OPHN1: variants seen among roughly 807,000 people sequenced by gnomAD.
OPHN1 encodes oligophrenin-1.
OPHN1 carries 11 observed loss-of-function variants against 60.7 expected under a neutral mutation model. The ratio of observed to expected loss-of-function variants is 0.18; its 90% CI spans 0.11 to 0.30. The LOEUF (loss-of-function observed/expected upper bound fraction) is 0.30. Ranked by LOEUF, OPHN1 falls within the 10% of genes least tolerant of loss-of-function variation. The probability of loss-of-function intolerance (pLI) is 1.00; values close to 1 mark genes in which losing one functional copy is unlikely to be tolerated. For missense variants in OPHN1, 449 were observed against 611.0 expected, an observed-to-expected ratio of 0.73 and a Z score of 2.80; for synonymous variants, 226 against 222.6, an observed-to-expected ratio of 1.02 and a Z score of -0.14.
Position 68,341,006 on chromosome X carries a change from G to GA in OPHN1, c.155-41911dup, listed in dbSNP as rs369219130. Among the ~76,000 whole-genome samples the GA allele has an allele frequency of 5.2e-3, 215 of 41,744 alleles. 1 individual carries two copies. The highest frequency in any genetic ancestry group is 0.015 in the African/African-American group (166 of 10,931). The allele number at this position is 41,744 out of a possible 115,157, so 36.2% of individuals were successfully genotyped here. A position where few individuals can be genotyped will look rare whatever the true frequency, so the allele number is the denominator to read the frequency against. ...CGAGAACAAAACTCTGTCTCAAAAA[G>GA]AAAAAAAAAAAAAGAAGAAGAACCA... On this transcript the variant is annotated intron_variant, in intron 2 of 24. Transcript: ENST00000355520.
chrX:68,114,543 T>C (rs919847558), intron 16 of OPHN1, among the ~76,000 whole-genome samples: 2 of 111,209 alleles, frequency 1.8e-5, no homozygotes, highest in Non-Finnish European at 3.8e-5. Flanking sequence ...GGAGGATCAC[T>C]TAAGCCCAAG....
chrX:68,049,917 C>A (rs1314325290), intron 23 of OPHN1, among the ~76,000 whole-genome samples: 1 of 112,065 alleles, frequency 8.9e-6, no homozygotes, highest in Non-Finnish European at 1.9e-5. Flanking sequence ...TACTCATTTT[C>A]TTCTTAGTTA....
chrX:68,113,289 A>G, intron 16 of OPHN1, 50 bp from the exon 17 acceptor site: 1 of 1,026,946 alleles, frequency 9.7e-7, no homozygotes, highest in Non-Finnish European at 1.4e-6. Flanking sequence ...GCAGCTGGGT[A>G]TTGGATTCTT....
At chrX:68,252,037 C>T (rs1368666454) in intron 5 of OPHN1, among the ~76,000 whole-genome samples, 3 of 111,718 alleles carry the variant, frequency 2.7e-5, no homozygotes, top group Non-Finnish European at 5.6e-5. Flanking sequence ...TGGCTTTGAG[C>T]CTAGCTTTGA....
At chrX:68,389,791 ACTT>A (rs2147753255) in intron 2 of OPHN1, among the ~76,000 whole-genome samples, 1 of 109,864 alleles carries the variant, frequency 9.1e-6, no homozygotes, top group South Asian at 3.9e-4. Context: ...TCACTATGTG[ACTT>A]TGGGCGAGGG....
chrX:68,268,827 T>C (rs1057328119), intron 5 of OPHN1, among the ~76,000 whole-genome samples: 1 of 111,759 alleles, frequency 8.9e-6, no homozygotes, highest in Non-Finnish European at 1.9e-5. Context: ...GACACGATTG[T>C]ATACCTAAAA....
chrX:68,152,950 T>C (rs1438841368), intron 15 of OPHN1, among the ~76,000 whole-genome samples: 3 of 109,404 alleles, frequency 2.7e-5, no homozygotes, highest in Non-Finnish European at 5.7e-5. Context: ...GAGGCTCACA[T>C]CTGTAATCCC....
intron 12 of OPHN1, among the ~76,000 whole-genome samples, chrX:68,196,651 T>C (rs1244944038): frequency 8.9e-6 from 1 of 112,041 alleles, no homozygotes; most frequent in Admixed American, 9.5e-5. Flanking sequence ...CATAACCGTG[T>C]TCTAAATGGA....
At chrX:68,131,890 T>C (rs973053775) in intron 15 of OPHN1, among the ~76,000 whole-genome samples, 15 of 112,556 alleles carry the variant, frequency 1.3e-4, no homozygotes, top group African/African-American at 4.8e-4. Flanking sequence ...TGTCTAATAA[T>C]AATACTACGA....
chrX:68,124,941 C>T (rs1026783508), intron 15 of OPHN1, among the ~76,000 whole-genome samples: 31 of 111,306 alleles, frequency 2.8e-4, no homozygotes, highest in Admixed American at 2.5e-3. Context: ...AGCAACTGCA[C>T]CCACCCATAA....
chrX:68,120,915 A>C (rs955497483), intron 15 of OPHN1, among the ~76,000 whole-genome samples: 2 of 112,140 alleles, frequency 1.8e-5, no homozygotes, highest in African/African-American at 6.5e-5. Flanking sequence ...TATTCAGTAA[A>C]TGGTGCTGGA....
chrX:68,104,104 C>G (rs1413660277), intron 18 of OPHN1, among the ~76,000 whole-genome samples: 5 of 111,565 alleles, frequency 4.5e-5, no homozygotes, highest in African/African-American at 1.6e-4. Flanking sequence ...ATACAACATG[C>G]AAGGGACGTG....
At chrX:68,227,614 G>A (rs917227257) in intron 6 of OPHN1, among the ~76,000 whole-genome samples, 4 of 111,238 alleles carry the variant, frequency 3.6e-5, no homozygotes, top group African/African-American at 9.8e-5. Context: ...ACTCAAAACC[G>A]CTCAACTACA....
At chrX:68,297,425 T>C (rs1394256055) in intron 3 of OPHN1, among the ~76,000 whole-genome samples, 1 of 111,533 alleles carries the variant, frequency 9.0e-6, no homozygotes, top group Non-Finnish European at 1.9e-5. Flanking sequence ...CACTTGGACC[T>C]GGATAGATTT....
intron 15 of OPHN1, among the ~76,000 whole-genome samples, chrX:68,172,626 C>T (rs746830669): frequency 7.2e-5 from 8 of 110,842 alleles, no homozygotes; most frequent in Non-Finnish European, 1.5e-4. Flanking sequence ...AAAAATTACC[C>T]AAAGAAAGCT....
chrX:68,326,039 T>G (rs1344509967), intron 2 of OPHN1, among the ~76,000 whole-genome samples: 22 of 8,290 alleles, frequency 2.7e-3, no homozygotes, highest in African/African-American at 0.019. Flanking sequence ...CTGGTTTTCG[T>G]TTTTTTTTGG....
In OPHN1 at chrX:68,404,028, G is replaced by C. The variant is rs374507898; in HGVS notation, c.154+28839C>G. Among the ~76,000 whole-genome samples the C allele has an allele frequency of 4.3e-4, 47 of 110,324 alleles. 1 individual carries two copies. The East Asian group carries it at 7.9e-3, about 19-fold the overall frequency. Reference sequence around the variant, plus strand: ...TTTTACATTACCGCTGCGTAACTTTGTATATATGTAAGTCATTCAGCTTCT... The same window carrying C: ...TTTTACATTACCGCTGCGTAACTTTCTATATATGTAAGTCATTCAGCTTCT... On this transcript the variant is annotated intron_variant, in intron 2 of 24. Coordinates refer to ENST00000355520, the MANE Select transcript of OPHN1 (RefSeq NM_002547.3).
At chrX:68,091,241 G>T (rs2077016747) in intron 19 of OPHN1, among the ~76,000 whole-genome samples, 1 of 111,413 alleles carries the variant, frequency 9.0e-6, no homozygotes, top group African/African-American at 3.3e-5. Flanking sequence ...CTGGAAATAC[G>T]CTGTCCCACA....
At chrX:68,212,080 G>A (rs371985288) in intron 8 of OPHN1, 28 bp downstream of exon 8, 27 of 1,043,114 alleles carry the variant, frequency 2.6e-5, no homozygotes, top group African/African-American at 1.5e-4. Flanking sequence ...TGGAAAGACC[G>A]GTGAGAAAAA....
Sources: allele counts gnomAD v4.1 joint callset (sites outside exome capture counted in the v4.1 genomes callset), GRCh38; gene constraint gnomAD v4.1.1; transcripts MANE v1.5; gene names NCBI Gene and HGNC (gene_info 2026-07-23, HGNC 2026-07-21).